DLG1: variants seen among roughly 807,000 people sequenced by gnomAD.
DLG1 encodes the protein disks large homolog 1.
In DLG1, 42 loss-of-function variants were observed where a neutral mutation model predicts 123.4. The ratio of observed to expected loss-of-function variants is 0.34; its 90% CI spans 0.27 to 0.44. The LOEUF (loss-of-function observed/expected upper bound fraction) is 0.44, where lower values mean the gene tolerates loss of function less well. Ranked by LOEUF, DLG1 falls within the 20% of genes least tolerant of loss-of-function variation. The pLI is 1.00. For missense variants in DLG1, 942 were observed against 1,082.6 expected (o/e 0.87, Z 1.82); for synonymous variants, 317 against 356.2 (o/e 0.89, Z 1.24).
At chr3:197,276,955 G>A (rs999290896) in intron 4 of DLG1, among the ~76,000 whole-genome samples, 2 of 151,750 alleles carry the variant, frequency 1.3e-5, no homozygotes, top group African/African-American at 2.4e-5. Flanking sequence ...GCGGTGGTAC[G>A]ATCTTGGCTC....
chr3:197,089,155 T>C (rs1284767260), intron 15 of DLG1, among the ~76,000 whole-genome samples: 1 of 152,248 alleles, frequency 6.6e-6, no homozygotes, highest in Non-Finnish European at 1.5e-5. Flanking sequence ...TGGAGGATGC[T>C]TGTTTCTGGA....
chr3:197,068,372 C>T lies in DLG1; in HGVS notation c.2047+847G>A. 3 of 652,498 alleles carry T rather than the reference C, an allele frequency of 4.6e-6. No individual in the cohort carries two copies. In the South Asian group the frequency reaches 5.7e-5, roughly 12 times the overall value. The allele number at this position is 652,498 out of a possible 1,614,324, so 40.4% of individuals were successfully genotyped here. ...AATAAAATGCTGAAATACAGGAAATCATTTCCACACCAAAAAAAAAATCAT... is the reference window on the plus strand; with the variant it reads ...AATAAAATGCTGAAATACAGGAAATTATTTCCACACCAAAAAAAAAATCAT... On this transcript the variant is annotated intron_variant, in intron 19 of 24. Transcript: ENST00000667157.
At chr3:197,151,876 T>G (rs981491243) in intron 5 of DLG1, among the ~76,000 whole-genome samples, 2 of 152,168 alleles carry the variant, frequency 1.3e-5, no homozygotes, top group African/African-American at 2.4e-5. Context: ...AGCAAAATTA[T>G]GTTTCTTAAG....
At chr3:197,102,190 T>C (rs1763857859) in intron 14 of DLG1, among the ~76,000 whole-genome samples, 1 of 152,232 alleles carries the variant, frequency 6.6e-6, no homozygotes, top group South Asian at 2.1e-4. Context: ...TAGAGATTAT[T>C]TTTTCTCATA....
chr3:197,297,590 G>GAGCC, intron 1 of DLG1: 2 of 1,022,824 alleles, frequency 2.0e-6, no homozygotes, highest in Non-Finnish European at 2.3e-6. Context: ...CTTGGCCCCT[G>GAGCC]AGCCAGCAGC....
rs1787270396 is a variant in DLG1, at chr3:197,140,154, T to C, written c.699A>G (p.Gln233=). 1 of 1,613,310 alleles carries C rather than the reference T, an allele frequency of 6.2e-7. No individual in the cohort carries two copies. Among genetic ancestry groups the C allele is most frequent in the Non-Finnish European group, 8.5e-7 (1 of 1,179,684 alleles). The stretch of plus-strand genomic sequence containing the variant: ...GCAAAACATACCGCAATCTTCCATC[T>C]TGGGCGGCTGCTCCCCCTGTGATAA... ...TKIITGGAAA[Q]DGRLRVNDCI... is the part of the protein sequence containing the mutation. Residue 233 remains glutamine (Q), a synonymous_variant, in exon 8 of 25, where the codon CAA becomes CAG. Transcript: ENST00000667157.
Position 197,111,176 on chromosome 3 carries a change from T to C in DLG1, c.1443+4751A>G, listed in dbSNP as rs1034130250. On this transcript the variant is annotated intron_variant, in intron 13 of 24. Transcript: ENST00000667157. ...AACATAATGCTGTATTTAACTGCAC[T>C]CACATTAGGGTGAGCTACTTCCCTG... Among the ~76,000 whole-genome samples the C allele has an allele frequency of 3.9e-5, 6 of 152,320 alleles. No homozygotes were observed. In the East Asian group the frequency reaches 5.8e-4, roughly 15 times the overall value.
At chr3:197,140,309 T>C in intron 7 of DLG1, 45 bp from the exon 8 acceptor site, 1 of 1,596,632 alleles carries the variant, frequency 6.3e-7, no homozygotes, top group Non-Finnish European at 8.5e-7. Flanking sequence ...TGATTTATCT[T>C]TATGGACAGG....
At chr3:197,275,143 G>A (rs1310984327) in intron 4 of DLG1, among the ~76,000 whole-genome samples, 3 of 147,312 alleles carry the variant, frequency 2.0e-5, no homozygotes, top group East Asian at 2.0e-4. Context: ...CAAAGATCAC[G>A]CCACTGCACC....
intron 13 of DLG1, among the ~76,000 whole-genome samples, chr3:197,115,649 A>G (rs537613668): frequency 5.9e-5 from 9 of 152,222 alleles, no homozygotes; most frequent in Non-Finnish European, 1.0e-4. Flanking sequence ...CACAAGTAAC[A>G]AACTTGAGTT....
At chr3:197,231,282 C>T (rs966526134) in intron 4 of DLG1, among the ~76,000 whole-genome samples, 3 of 152,180 alleles carry the variant, frequency 2.0e-5, no homozygotes, top group African/African-American at 4.8e-5. Context: ...CATTAGATAC[C>T]TATGAATTTG....
intron 22 of DLG1, among the ~76,000 whole-genome samples, chr3:197,061,718 A>G (rs1578328849): frequency 6.6e-6 from 1 of 152,134 alleles, no homozygotes; most frequent in African/African-American, 2.4e-5. Context: ...TTTTGGCAGG[A>G]ATACTACAGA....
At chr3:197,247,250 T>TG (rs1193737675) in intron 4 of DLG1, among the ~76,000 whole-genome samples, 1 of 152,110 alleles carries the variant, frequency 6.6e-6, no homozygotes, top group Non-Finnish European at 1.5e-5. Context: ...GGAGCCTTCC[T>TG]GGGGGGAGAC....
intron 4 of DLG1, among the ~76,000 whole-genome samples, chr3:197,248,863 G>A (rs4916466): frequency 0.11 from 17,306 of 152,160 alleles, 1,098 homozygotes; most frequent in Middle Eastern, 0.15. Flanking sequence ...CAAGGAGGGT[G>A]AAACCCTTTG....
At chr3:197,208,033 T>A (rs139569071) in intron 4 of DLG1, among the ~76,000 whole-genome samples, 5 of 145,676 alleles carry the variant, frequency 3.4e-5, no homozygotes, top group African/African-American at 1.2e-4. Flanking sequence ...TTTAAAAACT[T>A]CTTAGTCCCT....
At chr3:197,151,651 A>C (rs1435195133) in intron 5 of DLG1, among the ~76,000 whole-genome samples, 2 of 152,210 alleles carry the variant, frequency 1.3e-5, no homozygotes, top group African/African-American at 2.4e-5. Context: ...GCATAATAAA[A>C]AGTAAACCAA....
At chr3:197,200,869 G>A (rs1725279352) in intron 4 of DLG1, among the ~76,000 whole-genome samples, 1 of 152,042 alleles carries the variant, frequency 6.6e-6, no homozygotes, top group South Asian at 2.1e-4. Context: ...CACACCCACA[G>A]TCAACATTAT....
chr3:197,243,229 C>T (rs578253251), intron 4 of DLG1, among the ~76,000 whole-genome samples: 2 of 152,264 alleles, frequency 1.3e-5, no homozygotes, highest in East Asian at 3.9e-4. Flanking sequence ...CCAGGAAATT[C>T]ATTGTTTGAA....
chr3:197,118,662 C>A (rs76083050), intron 12 of DLG1, among the ~76,000 whole-genome samples: 36 of 152,240 alleles, frequency 2.4e-4, no homozygotes, highest in Non-Finnish European at 4.6e-4. Flanking sequence ...TCTATAGTGT[C>A]TTATTACTAT....
Sources: allele counts gnomAD v4.1 joint callset (sites outside exome capture counted in the v4.1 genomes callset), GRCh38; gene constraint gnomAD v4.1.1; transcripts MANE v1.5; gene names NCBI Gene and HGNC (gene_info 2026-07-23, HGNC 2026-07-21).